Variants in CES5A observed in about 807,000 individuals in gnomAD.
CES5A encodes carboxylesterase 5A.
In CES5A, 67 loss-of-function variants were observed where a neutral mutation model predicts 62.9. The ratio of observed to expected loss-of-function variants is 1.07; its 90% CI spans 0.88 to 1.31. The LOEUF (loss-of-function observed/expected upper bound fraction) is 1.31, where lower values mean the gene tolerates loss of function less well. Ranked by LOEUF, CES5A falls within the 50% of genes most tolerant of loss-of-function variation. CES5A has a pLI of 0.00. For missense variants in CES5A, 748 were observed against 708.5 expected, an observed-to-expected ratio of 1.06 and a Z score of -0.63; for synonymous variants, 296 against 280.8, an observed-to-expected ratio of 1.05 and a Z score of -0.54.
intron 1 of CES5A, among the ~76,000 whole-genome samples, chr16:55,919,142 C>T (rs1178084345): frequency 6.6e-6 from 1 of 152,240 alleles, no homozygotes; most frequent in East Asian, 1.9e-4. Flanking sequence ...GGGCACCAAG[C>T]CTTCTGCTGG....
Position 55,846,832 on chromosome 16 carries a change from TG to T in CES5A, c.1431del (p.Thr478ArgfsTer7). On this transcript the variant is annotated frameshift_variant, in exon 12 of 13. Coordinates refer to ENST00000290567, the MANE Select transcript of CES5A (RefSeq NM_001143685.2). LOFTEE classifies it high-confidence loss of function. ...CGGCTCAGTAACTTCTCCTCCTCCG[TG>T]GCTCCTTCTGAAGGAGATAATCACA... ...LKGDIVMFEG[A>X]TEEEKLLSRK... 1 of 1,614,046 alleles carries T rather than the reference TG, an allele frequency of 6.2e-7. No individual in the cohort carries two copies. The highest frequency in any genetic ancestry group is 2.2e-5 in the East Asian group (1 of 44,876).
chr16:55,894,498 CAAAA>C (rs370359945), intron 1 of CES5A, among the ~76,000 whole-genome samples: 1 of 102,994 alleles, frequency 9.7e-6, no homozygotes, highest in Non-Finnish European at 1.8e-5. Flanking sequence ...AACTCTGTCT[CAAAA>C]AAAAAAAAAA....
At chr16:55,926,740 A>T (rs1419161264), upstream of CES5A, among the ~76,000 whole-genome samples, 1 of 152,146 alleles carries the variant, frequency 6.6e-6, no homozygotes, top group Non-Finnish European at 1.5e-5. Context: ...GCTTTCTCTA[A>T]ATATTATCAT....
chr16:55,892,405 A>G (rs2033889881), intron 1 of CES5A, among the ~76,000 whole-genome samples: 1 of 151,808 alleles, frequency 6.6e-6, no homozygotes, highest in African/African-American at 2.4e-5. Context: ...TGTTCTCTTG[A>G]CCTCCTGAGG....
At chr16:55,941,889 A>G (rs1430170052) in intron 2 of CES5A, among the ~76,000 whole-genome samples, 2 of 152,148 alleles carry the variant, frequency 1.3e-5, no homozygotes, top group African/African-American at 4.8e-5. Flanking sequence ...TCCTTCCAAA[A>G]GTCAATGGTA....
intron 1 of CES5A, among the ~76,000 whole-genome samples, chr16:55,918,356 T>C (rs374912977): frequency 6.6e-6 from 1 of 152,172 alleles, no homozygotes; most frequent in African/African-American, 2.4e-5. Flanking sequence ...GTTCCAACTA[T>C]AATAAATCCG....
chr16:55,866,551 G>A (rs1460897799), intron 4 of CES5A, among the ~76,000 whole-genome samples: 2 of 151,488 alleles, frequency 1.3e-5, no homozygotes, highest in African/African-American at 2.4e-5. Context: ...GGCCAGGCAC[G>A]GTGGCTCATG....
chr16:55,953,654 T>C (rs2034580532), intron 1 of CES5A, among the ~76,000 whole-genome samples: 1 of 152,216 alleles, frequency 6.6e-6, no homozygotes, highest in Admixed American at 6.5e-5. Flanking sequence ...GTGATGTTAC[T>C]AGGTGGAGTA....
chr16:55,939,774 T>A (rs922134722), intron 2 of CES5A, among the ~76,000 whole-genome samples: 1 of 151,542 alleles, frequency 6.6e-6, no homozygotes, highest in Non-Finnish European at 1.5e-5. Context: ...TCCTGGATCA[T>A]AAAACAAGCT....
intron 2 of CES5A, among the ~76,000 whole-genome samples, chr16:55,872,290 C>T (rs2033608257): frequency 6.6e-6 from 1 of 152,224 alleles, no homozygotes; most frequent in Non-Finnish European, 1.5e-5. Flanking sequence ...ACTGCTCTCT[C>T]CCTGTATCTG....
chr16:55,855,733 C>T (rs751656290), intron 9 of CES5A, among the ~76,000 whole-genome samples: 2 of 152,100 alleles, frequency 1.3e-5, no homozygotes, highest in Non-Finnish European at 2.9e-5. Flanking sequence ...AGGTCTGGTT[C>T]GGCTGCTGGG....
chr16:55,867,206 C>A (rs2033483525), intron 4 of CES5A, among the ~76,000 whole-genome samples: 2 of 152,198 alleles, frequency 1.3e-5, no homozygotes, highest in Non-Finnish European at 2.9e-5. Flanking sequence ...TTCCACTAAA[C>A]CTGTGAGCCT....
chr16:55,883,555 G>A (rs571965928), intron 1 of CES5A, among the ~76,000 whole-genome samples: 1 of 152,326 alleles, frequency 6.6e-6, no homozygotes, highest in East Asian at 1.9e-4. Flanking sequence ...TTACAGGTGT[G>A]AGCCACTGCA....
intron 2 of CES5A, among the ~76,000 whole-genome samples, chr16:55,948,705 T>G (rs1256682524): frequency 5.9e-5 from 9 of 152,154 alleles, no homozygotes; most frequent in Admixed American, 1.3e-4. Context: ...ACAGTGACAA[T>G]TGCTGTAATC....
intron 9 of CES5A, among the ~76,000 whole-genome samples, chr16:55,854,531 C>CTTTCTGTTTTCTTTCTTTTTT (rs1555479325): frequency 7.7e-5 from 4 of 52,162 alleles, no homozygotes; most frequent in Admixed American, 4.2e-4. Context: ...TGTAGTGTTT[C>CTTTCTGTTTTCTTTCTTTTTT]TTTTTTTTTT....
chr16:55,903,382 A>G (rs941913344), intron 1 of CES5A, among the ~76,000 whole-genome samples: 12 of 152,252 alleles, frequency 7.9e-5, no homozygotes, highest in African/African-American at 2.9e-4. Flanking sequence ...GAAGAAAAAA[A>G]GAAACAAAGG....
chr16:55,877,653 G>A (rs946397486), upstream of CES5A, among the ~76,000 whole-genome samples: 23 of 152,098 alleles, frequency 1.5e-4, no homozygotes, highest in African/African-American at 5.6e-4. Flanking sequence ...GAGGAACACT[G>A]ATAATGTAAG....
At chr16:55,916,076 A>G (rs574406076) in intron 1 of CES5A, among the ~76,000 whole-genome samples, 2 of 152,262 alleles carry the variant, frequency 1.3e-5, no homozygotes, top group South Asian at 2.1e-4. Context: ...GGGTTTTTCA[A>G]TGGTTGTTTG....
At chr16:55,906,178 T>C (rs1343309457) in intron 1 of CES5A, among the ~76,000 whole-genome samples, 1 of 152,194 alleles carries the variant, frequency 6.6e-6, no homozygotes, top group African/African-American at 2.4e-5. Flanking sequence ...GTGCACACAT[T>C]CCCTGGTAAC....
Sources: allele counts gnomAD v4.1 joint callset (sites outside exome capture counted in the v4.1 genomes callset), GRCh38; gene constraint gnomAD v4.1.1; transcripts MANE v1.5; gene names NCBI Gene and HGNC (gene_info 2026-07-23, HGNC 2026-07-21).